Variants in ABLIM2 observed in about 807,000 individuals in gnomAD.
ABLIM2 encodes the protein actin-binding LIM protein 2.
A neutral mutation model predicts 97.7 loss-of-function variants in ABLIM2; 53 were observed. The observed-to-expected ratio is 0.54, with a 90% CI of 0.44 to 0.68. The LOEUF (loss-of-function observed/expected upper bound fraction) is 0.68. Ranked by LOEUF, ABLIM2 falls within the 30% of genes least tolerant of loss-of-function variation. ABLIM2 has a pLI of 0.00. For synonymous variants in ABLIM2, 361 were observed against 345.8 expected, an observed-to-expected ratio of 1.04 and a Z score of -0.49; for missense variants, 835 against 867.2, an observed-to-expected ratio of 0.96 and a Z score of 0.47.
chr4:8,027,925 C>G, intron 11 of ABLIM2, 68 bp from the exon 12 acceptor site: 1 of 1,126,082 alleles, frequency 8.9e-7, no homozygotes, highest in East Asian at 2.9e-5. Flanking sequence ...ACATATTCCT[C>G]ATCCCCACTC....
At chr4:7,975,914 G>T (rs775431311) in intron 20 of ABLIM2, among the ~76,000 whole-genome samples, 1 of 152,100 alleles carries the variant, frequency 6.6e-6, no homozygotes, top group Non-Finnish European at 1.5e-5. Flanking sequence ...CTCGGATCAC[G>T]CTAACAATGT....
chr4:8,019,980 C>T lies in ABLIM2; in HGVS notation c.1369+222G>A, dbSNP rs771683380. On this transcript the variant is annotated intron_variant, in intron 13 of 20. Coordinates refer to ENST00000447017, the MANE Select transcript of ABLIM2 (RefSeq NM_001130083.2). This position sits in a 1 kb window ranked among gnomAD's most constrained non-coding sequence, Gnocchi z 4.3. Reference sequence around the variant, plus strand: ...CAGGAGGACAGGTGTATCTCCCTGCCGTTTGTGGGAATTTGGAAGAAACTC... The same window carrying T: ...CAGGAGGACAGGTGTATCTCCCTGCTGTTTGTGGGAATTTGGAAGAAACTC... Among the ~76,000 whole-genome samples the T allele has an allele frequency of 7.2e-5, 11 of 152,266 alleles. No homozygotes were observed. Among genetic ancestry groups the T allele is most frequent in the East Asian group, 5.8e-4 (3 of 5,188 alleles).
At chr4:8,106,368 T>G in intron 2 of ABLIM2, 126 bp downstream of exon 2, 1 of 1,292,216 alleles carries the variant, frequency 7.7e-7, no homozygotes, top group South Asian at 1.5e-5. Flanking sequence ...CTGAAGATTC[T>G]GTATCTGGAG....
intron 8 of ABLIM2, among the ~76,000 whole-genome samples, chr4:8,052,918 T>A (rs1030864695): frequency 1.3e-5 from 2 of 152,094 alleles, no homozygotes; most frequent in Non-Finnish European, 2.9e-5. Flanking sequence ...ATACCCCACA[T>A]TCGAGAGTAA....
rs923134655 is a variant in ABLIM2, at chr4:8,120,332, G to T, written c.11-13695C>A. 2.6e-5 allele frequency among the ~76,000 whole-genome samples: 4 copies of T among 152,166 alleles called. No individual in the cohort carries two copies. The highest frequency in any genetic ancestry group is 7.2e-5 in the African/African-American group (3 of 41,436). ...CGGAGACGGGGCCTTCAAAGGTGTC[G>T]TTATGGTAAAGCAAGGTGATCTGGA... On this transcript the variant is annotated intron_variant, in intron 1 of 20. Coordinates refer to ENST00000447017, the MANE Select transcript of ABLIM2 (RefSeq NM_001130083.2). The surrounding 1 kb of genome is among the most constrained non-coding windows in gnomAD (Gnocchi z 5.6).
chr4:8,000,207 G>A (rs1483495822), intron 16 of ABLIM2, among the ~76,000 whole-genome samples: 2 of 152,128 alleles, frequency 1.3e-5, no homozygotes, highest in African/African-American at 4.8e-5. Context: ...GCTGGTCTGA[G>A]CTGCAGACTT....
intron 9 of ABLIM2, among the ~76,000 whole-genome samples, chr4:8,038,794 C>T (rs1318969322): frequency 6.6e-6 from 1 of 152,184 alleles, no homozygotes. Context: ...GAGATCTGAT[C>T]CTGCAGGATT....
At position 8,112,579 on chromosome 4, in the gene ABLIM2, T is replaced by C. The variant is rs1840884776; in HGVS notation, c.11-5942A>G. Among the ~76,000 whole-genome samples the C allele has an allele frequency of 6.6e-6, 1 of 152,054 alleles. No individual in the cohort carries two copies. The highest frequency in any genetic ancestry group is 2.4e-5 in the African/African-American group (1 of 41,386). ...AAGAGGAAAAACGATGACTCTGAGG[T>C]CTACTCGAGGTTTCCCAGTCCAGAG... On this transcript the variant is annotated intron_variant, in intron 1 of 20. Coordinates refer to ENST00000447017, the MANE Select transcript of ABLIM2 (RefSeq NM_001130083.2). The surrounding 1 kb of genome is among the most constrained non-coding windows in gnomAD (Gnocchi z 4.2).
At chr4:8,129,517 C>T (rs1354114945) in intron 1 of ABLIM2, among the ~76,000 whole-genome samples, 2 of 152,238 alleles carry the variant, frequency 1.3e-5, no homozygotes, top group East Asian at 1.9e-4. Context: ...AAGACTAAGA[C>T]ACGCTGTAAG....
chr4:8,097,011 G>T, intron 3 of ABLIM2, 88 bp downstream of exon 3: 2 of 1,448,886 alleles, frequency 1.4e-6, no homozygotes, highest in East Asian at 2.5e-5. Flanking sequence ...TCACGGGAGG[G>T]AGCAGGAGGA....
chr4:7,967,754 A>C (rs1380767743), intron 20 of ABLIM2, among the ~76,000 whole-genome samples: 3 of 145,494 alleles, frequency 2.1e-5, no homozygotes, highest in African/African-American at 7.3e-5. Flanking sequence ...ATGCCATAGG[A>C]GTGAGTTAGA....
At chr4:8,093,284 T>C (rs1296344568) in intron 3 of ABLIM2, among the ~76,000 whole-genome samples, 1 of 152,230 alleles carries the variant, frequency 6.6e-6, no homozygotes, top group Non-Finnish European at 1.5e-5. Flanking sequence ...CTTGAACTCA[T>C]ATCTAACATG....
At chr4:8,007,589 A>C (rs1762259130) in intron 16 of ABLIM2, 1 of 988,360 alleles carries the variant, frequency 1.0e-6, no homozygotes, top group African/African-American at 1.7e-5. Flanking sequence ...GGCAGACACC[A>C]TCACTGTCTC....
chr4:7,980,536 G>A (rs1307621802), intron 20 of ABLIM2, among the ~76,000 whole-genome samples: 3 of 152,028 alleles, frequency 2.0e-5, no homozygotes, highest in Non-Finnish European at 4.4e-5. Flanking sequence ...CCAACGTGGT[G>A]AAACCCCATC....
In ABLIM2 at chr4:8,082,372, C is replaced by T. The variant is rs1361444188; in HGVS notation, c.455-1570G>A. ...TCCTCACTTGGTGCCTGCCCGGATC[C>T]AGTGCTAATTTACACAGAAGACCTG... On this transcript the variant is annotated intron_variant, in intron 4 of 20. Coordinates refer to ENST00000447017, the MANE Select transcript of ABLIM2 (RefSeq NM_001130083.2). This position sits in a 1 kb window ranked among gnomAD's most constrained non-coding sequence, Gnocchi z 5.6. 6.6e-6 allele frequency among the ~76,000 whole-genome samples: 1 copy of T among 152,308 alleles called. No homozygotes were observed. Among genetic ancestry groups the T allele is most frequent in the East Asian group, 1.9e-4 (1 of 5,180 alleles).
rs564224527 is a variant in ABLIM2 at position 8,149,492 on chromosome 4, C to G, written c.10+9188G>C. 1.3e-5 allele frequency among the ~76,000 whole-genome samples: 2 copies of G among 151,956 alleles called. No homozygotes were observed. The highest frequency in any genetic ancestry group is 4.2e-4 in the South Asian group (2 of 4,804). ...AGGAAACCCCAGCTTGGTCTGTGTC[C>G]ACAGGTTCAGAGGAAGGAGGGAAGC... On this transcript the variant is annotated intron_variant, in intron 1 of 20. Transcript: ENST00000447017. The surrounding 1 kb of genome is among the most constrained non-coding windows in gnomAD (Gnocchi z 6.4).
intron 3 of ABLIM2, among the ~76,000 whole-genome samples, chr4:8,093,357 C>T (rs1829878771): frequency 6.6e-6 from 1 of 152,206 alleles, no homozygotes; most frequent in South Asian, 2.1e-4. Context: ...CTTCAGCCCA[C>T]AAAACTTCCT....
chr4:8,086,494 G>T (rs941872459), intron 4 of ABLIM2, among the ~76,000 whole-genome samples: 8 of 151,774 alleles, frequency 5.3e-5, no homozygotes, highest in Admixed American at 3.9e-4. Flanking sequence ...ACTACAGGTG[G>T]GCACTACCAC....
rs183925369 is a variant in ABLIM2, at chr4:8,110,718, G to A, written c.11-4081C>T. On this transcript the variant is annotated intron_variant, in intron 1 of 20. Coordinates refer to ENST00000447017, the MANE Select transcript of ABLIM2 (RefSeq NM_001130083.2). ...TGCTAAGAGCATGGATTTGCTTGGAGGCCCCAATCTCGCCTGCTGGGGCCG... is the reference window on the plus strand; with the variant it reads ...TGCTAAGAGCATGGATTTGCTTGGAAGCCCCAATCTCGCCTGCTGGGGCCG... 4.0e-3 allele frequency among the ~76,000 whole-genome samples: 611 copies of A among 152,320 alleles called. 6 individuals carry two copies. The highest frequency in any genetic ancestry group is 0.013 in the African/African-American group (560 of 41,568).
Sources: gnomAD v4.1 joint callset for allele counts (sites outside exome capture counted in the v4.1 genomes callset) on GRCh38, gnomAD v4.1.1 for gene constraint, Gnocchi (gnomAD v3.1) non-coding constraint, MANE v1.5 for transcripts, NCBI Gene and HGNC (gene_info 2026-07-23, HGNC 2026-07-21) for gene names.